The following PI4KA variants were observed in gnomAD, a reference collection of about 807,000 sequenced individuals.
The protein encoded by PI4KA is PI4-kinase alpha.
In PI4KA, 122 loss-of-function variants were observed where a neutral mutation model predicts 271.4. The ratio of observed to expected loss-of-function variants is 0.45; its 90% CI spans 0.39 to 0.52. The LOEUF (loss-of-function observed/expected upper bound fraction) is 0.52. Among genes scored for constraint, PI4KA ranks in the 20% least tolerant of loss-of-function variants. The pLI is 0.00. For synonymous variants in PI4KA, 1,041 were observed against 1,078.8 expected, an observed-to-expected ratio of 0.96 and a Z score of 0.69; for missense variants, 1,969 against 2,769.1, an observed-to-expected ratio of 0.71 and a Z score of 6.48.
chr22:20,843,004 A>G (rs1294906774), intron 1 of PI4KA, among the ~76,000 whole-genome samples: 2 of 151,246 alleles, frequency 1.3e-5, no homozygotes, highest in Admixed American at 1.3e-4. Context: ...AGGCTGAGGC[A>G]GGAGAATGGC....
chr22:20,751,362 A>C lies in PI4KA; in HGVS notation c.3084T>G (p.Asp1028Glu). 6.2e-7 allele frequency: 1 copy of C among 1,613,772 alleles called. No homozygotes were observed. The highest frequency in any genetic ancestry group is 8.5e-7 in the Non-Finnish European group (1 of 1,179,866). ...SLSLSADIHKDQPYYDIPDAP... is the reference protein window; with the variant it reads ...SLSLSADIHKEQPYYDIPDAP... ...CGTCGGGGATGTCATAGTAAGGCTG[A>C]TCCTTGTGAATATCCTGCAAGCACA... Residue 1028 changes from aspartate (D) to glutamate (E), a missense_variant, in exon 27 of 55, where the codon GAT becomes GAG. Physicochemically the swap from Asp to Glu is conservative, Grantham distance 45. Transcript: ENST00000255882.
chr22:20,820,745 G>T, intron 4 of PI4KA, 134 bp from the exon 5 acceptor site: 2 of 646,094 alleles, frequency 3.1e-6, no homozygotes, highest in Non-Finnish European at 5.4e-6. Flanking sequence ...CCTCCACAAC[G>T]ACTGTGCCAA....
chr22:20,763,305 T>A (rs1020103476), intron 22 of PI4KA, among the ~76,000 whole-genome samples: 2 of 151,424 alleles, frequency 1.3e-5, no homozygotes, highest in Non-Finnish European at 2.9e-5. Flanking sequence ...AGAGACGGGG[T>A]TTCACCATGT....
intron 3 of PI4KA, among the ~76,000 whole-genome samples, chr22:20,828,118 T>C (rs927415375): frequency 1.3e-5 from 2 of 152,114 alleles, no homozygotes; most frequent in African/African-American, 4.8e-5. Context: ...TTTGTGAATA[T>C]TGTGAATGGG....
At chr22:20,857,800 C>A (rs1053829152) in intron 1 of PI4KA, among the ~76,000 whole-genome samples, 5 of 152,154 alleles carry the variant, frequency 3.3e-5, no homozygotes, top group Admixed American at 2.6e-4. Context: ...AAATTCAGGT[C>A]CCACTCTAAA....
intron 3 of PI4KA, among the ~76,000 whole-genome samples, chr22:20,830,890 G>A (rs916619553): frequency 3.9e-5 from 6 of 152,100 alleles, no homozygotes; most frequent in East Asian, 1.9e-4. Flanking sequence ...TCCTGCCTCA[G>A]CCTCCTGAGT....
intron 7 of PI4KA, 30 bp from the exon 8 acceptor site, chr22:20,813,536 C>T (rs776498183): frequency 3.7e-6 from 6 of 1,609,696 alleles, no homozygotes; most frequent in African/African-American, 1.3e-5. Context: ...GAAACTCAGC[C>T]GTGGTGACAG....
Position 20,815,462 on chromosome 22 carries a change from A to C in PI4KA, c.857-1956T>G, listed in dbSNP as rs1444728759. Among the ~76,000 whole-genome samples the C allele has an allele frequency of 4.6e-5, 7 of 152,286 alleles. No individual in the cohort carries two copies. The South Asian group carries it at 1.2e-3, about 27-fold the overall frequency. On this transcript the variant is annotated intron_variant, in intron 7 of 54. Coordinates refer to ENST00000255882, the MANE Select transcript of PI4KA (RefSeq NM_058004.4). ...AAACAGATGAATTTGTAATATTTTC[A>C]TAAGACAGTATCAATTCATAAAGAA...
At chr22:20,720,588 A>C (rs1323390584) in intron 43 of PI4KA, among the ~76,000 whole-genome samples, 1 of 152,216 alleles carries the variant, frequency 6.6e-6, no homozygotes, top group Non-Finnish European at 1.5e-5. Context: ...AGTGTGGTGC[A>C]GTATCAAAAA....
chr22:20,727,043 G>A (rs928708787), intron 41 of PI4KA, among the ~76,000 whole-genome samples, 187 bp downstream of exon 41: 2 of 152,070 alleles, frequency 1.3e-5, no homozygotes, highest in African/African-American at 4.8e-5. Context: ...AAAAACAAAT[G>A]TAACTAGAGA....
chr22:20,834,631 G>A lies in PI4KA; in HGVS notation c.298C>T (p.Leu100Phe). 2.5e-6 allele frequency: 4 copies of A among 1,606,566 alleles called. No homozygotes were observed. Among genetic ancestry groups the A allele is most frequent in the Non-Finnish European group, 3.4e-6 (4 of 1,173,362 alleles). ...LQHKDCVVPYLLRLLKGLPKV... is the reference protein window; with the variant it reads ...LQHKDCVVPYFLRLLKGLPKV... Reference sequence around the variant, plus strand: ...GGAAGACCTTTGAGAAGTCGAAGAAGGTAAGGAACCACACAATCTTTGTGC... The same window carrying A: ...GGAAGACCTTTGAGAAGTCGAAGAAAGTAAGGAACCACACAATCTTTGTGC... The change falls in exon 3 of 55, where the codon CTT becomes TTT. Residue 100 changes from leucine (L) to phenylalanine (F), a missense_variant. Leu to Phe is a conservative substitution (Grantham distance 22). Transcript: ENST00000255882.
At chr22:20,787,500 C>T (rs769157820) in intron 19 of PI4KA, 1 of 270,626 alleles carries the variant, frequency 3.7e-6, no homozygotes, top group Non-Finnish European at 7.2e-6. Flanking sequence ...AAGGAGGGTA[C>T]ACAACTAGCA....
intron 43 of PI4KA, among the ~76,000 whole-genome samples, chr22:20,719,172 C>A (rs984243192): frequency 2.3e-4 from 35 of 152,054 alleles, no homozygotes; most frequent in Non-Finnish European, 3.1e-4. Flanking sequence ...GAGAAAAAAG[C>A]CCGTGTCATT....
chr22:20,808,742 G>C (rs1485179111), intron 9 of PI4KA, among the ~76,000 whole-genome samples: 2 of 151,448 alleles, frequency 1.3e-5, no homozygotes, highest in Admixed American at 1.3e-4. Context: ...GCAGTGGTAT[G>C]ATCACAGCTC....
At chr22:20,798,761 A>C (rs1935124958) in intron 16 of PI4KA, 74 bp from the exon 17 acceptor site, 2 of 968,430 alleles carry the variant, frequency 2.1e-6, no homozygotes, top group East Asian at 4.8e-5. Flanking sequence ...ACCTAGAGAG[A>C]AAGCTCTGGA....
intron 50 of PI4KA, among the ~76,000 whole-genome samples, chr22:20,711,911 A>G (rs1314212622): frequency 2.0e-5 from 3 of 149,254 alleles, no homozygotes; most frequent in Non-Finnish European, 4.4e-5. Flanking sequence ...TGCCCAGTTA[A>G]TTTTTTTACT....
intron 50 of PI4KA, 70 bp downstream of exon 50, chr22:20,712,416 G>T: frequency 6.3e-7 from 1 of 1,584,856 alleles, no homozygotes; most frequent in South Asian, 1.1e-5. Context: ...GTGGGTGGAG[G>T]CTGGGTATGG....
chr22:20,826,297 C>T (rs557701610), intron 3 of PI4KA, among the ~76,000 whole-genome samples: 3 of 152,188 alleles, frequency 2.0e-5, no homozygotes, highest in Non-Finnish European at 2.9e-5. Context: ...GAGCAGAGAT[C>T]GCACCACTGC....
intron 45 of PI4KA, among the ~76,000 whole-genome samples, chr22:20,716,559 C>T (rs1239032560): frequency 5.3e-5 from 8 of 152,174 alleles, no homozygotes; most frequent in Non-Finnish European, 7.3e-5. Context: ...TCCTCACCTG[C>T]CCTTCTTCCT....
Sources: allele counts gnomAD v4.1 joint callset (sites outside exome capture counted in the v4.1 genomes callset), GRCh38; gene constraint gnomAD v4.1.1; transcripts MANE v1.5; gene names NCBI Gene and HGNC (gene_info 2026-07-23, HGNC 2026-07-21).